The following TNFSF11 variants were observed in gnomAD, a reference collection of about 807,000 sequenced individuals.
The protein encoded by TNFSF11 is TNF superfamily member 11.
In TNFSF11, 12 loss-of-function variants were observed where a neutral mutation model predicts 32.2. That is an observed-to-expected ratio of 0.37 (90% CI 0.24 to 0.60). The LOEUF (loss-of-function observed/expected upper bound fraction) is 0.60. Among genes scored for constraint, TNFSF11 ranks in the 20% least tolerant of loss-of-function variants. The pLI, the probability that TNFSF11 is intolerant of heterozygous loss-of-function variation, is 0.66. For synonymous variants in TNFSF11, 172 were observed against 152.1 expected (o/e 1.13, Z -0.96); for missense variants, 345 against 398.0 (o/e 0.87, Z 1.13).
Position 42,574,417 on chromosome 13 carries a change from G to T in TNFSF11, c.114G>T (p.Pro38=), listed in dbSNP as rs761695527. The T allele has an allele frequency of 6.3e-6, 10 of 1,582,134 alleles. No homozygotes were observed. The Admixed American group carries it at 7.1e-5, about 11-fold the overall frequency. The change falls in exon 1 of 5, where the codon CCG becomes CCT. Residue 38 remains proline, a synonymous_variant. Coordinates refer to ENST00000398795, the MANE Select transcript of TNFSF11 (RefSeq NM_003701.4). ...GPLHAPPPPA[P]HQPPAASRSM... ...TGCACGCCCCGCCGCCGCCTGCGCCGCACCAGCCCCCTGCCGCCTCCCGCT... is the reference window on the plus strand; with the variant it reads ...TGCACGCCCCGCCGCCGCCTGCGCCTCACCAGCCCCCTGCCGCCTCCCGCT...
rs1555310752 is a variant in TNFSF11 at position 42,599,372 on chromosome 13, C to CTATT, written c.388-1377_388-1376insTTAT. Among the ~76,000 whole-genome samples, 418 of 150,998 alleles carry CTATT rather than the reference C, an allele frequency of 2.8e-3. 1 individual carries two copies. The highest frequency in any genetic ancestry group is 3.8e-3 in the Non-Finnish European group (257 of 67,678). On this transcript the variant is annotated intron_variant, in intron 2 of 4. Coordinates refer to ENST00000398795, the MANE Select transcript of TNFSF11 (RefSeq NM_003701.4). The stretch of plus-strand genomic sequence containing the variant: ...ATCATCTATCTATCTATCTATCTAT[C>CTATT]TATCTATCTATCTGTCTATCTCAAA...
chr13:42,601,783 C>T (rs758187450), intron 4 of TNFSF11, among the ~76,000 whole-genome samples: 1 of 152,204 alleles, frequency 6.6e-6, no homozygotes, highest in East Asian at 1.9e-4. Flanking sequence ...ACCCGATGAA[C>T]TCTTCCACCT....
upstream of TNFSF11, among the ~76,000 whole-genome samples, chr13:42,573,634 G>C (rs1288201587): frequency 6.6e-6 from 1 of 152,176 alleles, no homozygotes; most frequent in South Asian, 2.1e-4. Flanking sequence ...TGCAGAAATA[G>C]GGATTTGGGA....
intron 2 of TNFSF11, among the ~76,000 whole-genome samples, chr13:42,587,536 A>G (rs566702687): frequency 3.3e-5 from 5 of 152,338 alleles, no homozygotes; most frequent in South Asian, 4.1e-4. Flanking sequence ...CAAAAGGTCA[A>G]AATACTTTGG....
rs1198656504 is a variant in TNFSF11, at chr13:42,606,624, T to G, written c.660T>G (p.Ile220Met). 1 of 1,614,220 alleles carries G rather than the reference T, an allele frequency of 6.2e-7. No individual in the cohort carries two copies. Among genetic ancestry groups the G allele is most frequent in the Non-Finnish European group, 8.5e-7 (1 of 1,180,046 alleles). ...GCTTTTATTACCTGTATGCCAACAT[T>G]TGCTTTCGACATCATGAAACTTCAG... ...QDGFYYLYAN[I>M]CFRHHETSGD... is the part of the protein sequence containing the mutation. The change falls in exon 5 of 5, where the codon ATT (isoleucine) becomes ATG (methionine). Residue 220 changes from isoleucine to methionine, a missense_variant. Physicochemically the swap from Ile to Met is conservative, Grantham distance 10. This residue lies in a region of TNFSF11 where 148 missense variants were observed against 216.0 expected (regional missense o/e 0.69). Transcript: ENST00000398795.
chr13:42,600,733 T>C lies in TNFSF11; in HGVS notation c.388-19T>C. The C allele has an allele frequency of 1.2e-6, 2 of 1,604,680 alleles. No individual in the cohort carries two copies. Among genetic ancestry groups the C allele is most frequent in the Non-Finnish European group, 1.7e-6 (2 of 1,175,144 alleles). On this transcript the variant is annotated intron_variant, in intron 2 of 4. Transcript: ENST00000398795. ...AAGAATGATTTTATAAATAAAATTA[T>C]TTTTCCTTTTTATTTCAGGAATTAC... is the stretch of plus-strand genomic sequence containing the variant.
chr13:42,602,847 G>T (rs1281609569), intron 4 of TNFSF11, among the ~76,000 whole-genome samples: 1 of 152,104 alleles, frequency 6.6e-6, no homozygotes, highest in Admixed American at 6.6e-5. Context: ...TATTGCATTA[G>T]ACCGTTTGCC....
upstream of TNFSF11, among the ~76,000 whole-genome samples, chr13:42,573,244 A>G (rs528249078): frequency 1.3e-5 from 2 of 151,662 alleles, no homozygotes; most frequent in East Asian, 1.9e-4. Flanking sequence ...GGCTAACTGT[A>G]TTAATAAAAA....
intron 1 of TNFSF11, among the ~76,000 whole-genome samples, chr13:42,579,377 C>G (rs1873479594): frequency 6.7e-6 from 1 of 149,640 alleles, no homozygotes; most frequent in Non-Finnish European, 1.5e-5. Context: ...CCACTGCACT[C>G]CAGCCTGGGT....
chr13:42,572,905 T>C (rs1336824288), upstream of TNFSF11, among the ~76,000 whole-genome samples: 2 of 152,158 alleles, frequency 1.3e-5, no homozygotes, highest in East Asian at 1.9e-4. Flanking sequence ...TCCCCTGATA[T>C]CCATGGAAGA....
intron 2 of TNFSF11, among the ~76,000 whole-genome samples, chr13:42,568,236 T>C (rs1872938223): frequency 6.6e-6 from 1 of 152,274 alleles, no homozygotes; most frequent in Non-Finnish European, 1.5e-5. Context: ...TCCTATGTCC[T>C]GTTGAATATG....
chr13:42,602,719 G>A (rs558260527), intron 4 of TNFSF11, among the ~76,000 whole-genome samples: 13 of 152,166 alleles, frequency 8.5e-5, no homozygotes, highest in South Asian at 2.1e-4. Context: ...TCTCTGAGTG[G>A]AAAACTATTT....
At chr13:42,597,340 CTTT>C (rs774612741) in intron 2 of TNFSF11, among the ~76,000 whole-genome samples, 38 of 125,752 alleles carry the variant, frequency 3.0e-4, no homozygotes, top group African/African-American at 1.0e-3. Flanking sequence ...GCCTTTTGTT[CTTT>C]TTTTTTTTTT....
Position 42,581,259 on chromosome 13 carries a change from G to T in TNFSF11, c.353G>T (p.Arg118Ile), listed in dbSNP as rs200887697. Residue 118 changes from arginine to isoleucine, a missense_variant, in exon 2 of 5, where the codon AGA becomes ATA. This residue lies in a region of TNFSF11 where 197 missense variants were observed against 182.0 expected (regional missense o/e 1.08). Transcript: ENST00000398795. The part of the protein sequence containing the change: ...DTKLIPDSCR[R>I]IKQAFQGAVQ... ...AAATTAATACCTGATTCATGTAGGA[G>T]AATTAAACAGGCCTTTCAAGGAGCT... 7 of 1,613,982 alleles carry T rather than the reference G, an allele frequency of 4.3e-6. No homozygotes were observed. The Admixed American group carries it at 5.0e-5, about 12-fold the overall frequency.
At chr13:42,564,529 T>A (rs1290208005) in intron 1 of TNFSF11, among the ~76,000 whole-genome samples, 1 of 151,804 alleles carries the variant, frequency 6.6e-6, no homozygotes. Context: ...ATCGCACCAT[T>A]GCACTTCAGC....
At chr13:42,576,096 A>C (rs1873301692) in intron 1 of TNFSF11, among the ~76,000 whole-genome samples, 1 of 152,276 alleles carries the variant, frequency 6.6e-6, no homozygotes, top group Non-Finnish European at 1.5e-5. Flanking sequence ...CAAAAGAGCA[A>C]CAATCAGAAA....
intron 2 of TNFSF11, among the ~76,000 whole-genome samples, chr13:42,587,346 A>T (rs973375966): frequency 2.0e-5 from 3 of 152,206 alleles, no homozygotes; most frequent in African/African-American, 7.2e-5. Flanking sequence ...AGCTTGAGGA[A>T]GGGAGTTGCC....
At position 42,581,272 on chromosome 13, in the gene TNFSF11, C is replaced by A. The variant is rs761108429; in HGVS notation, c.366C>A (p.Ala122=). Residue 122 remains alanine (A), a synonymous_variant, in exon 2 of 5, where the codon GCC becomes GCA. Transcript: ENST00000398795. ...ATTCATGTAGGAGAATTAAACAGGC[C>A]TTTCAAGGAGCTGTGCAAAAGGTAA... ...IPDSCRRIKQ[A]FQGAVQKELQ... The A allele has an allele frequency of 6.2e-7, 1 of 1,614,050 alleles. No homozygotes were observed. Among genetic ancestry groups the A allele is most frequent in the Non-Finnish European group, 8.5e-7 (1 of 1,179,950 alleles).
At chr13:42,574,926 G>A (rs76105847) in intron 1 of TNFSF11, among the ~76,000 whole-genome samples, 3,840 of 152,348 alleles carry the variant, frequency 0.025, 165 homozygotes, top group African/African-American at 0.086. Flanking sequence ...AAAGATGAGC[G>A]CCTTCACTTG....
Sources: gnomAD v4.1 joint callset for allele counts (sites outside exome capture counted in the v4.1 genomes callset) on GRCh38, gnomAD v4.1.1 for gene constraint, gnomAD v4.1.1 regional missense constraint, MANE v1.5 for transcripts, NCBI Gene and HGNC (gene_info 2026-07-23, HGNC 2026-07-21) for gene names.